WNK3: variants seen among roughly 807,000 people sequenced by gnomAD.
WNK3 encodes the protein WNK lysine deficient protein kinase 3, also known as serine/threonine-protein kinase WNK3.
In WNK3, 18 loss-of-function variants were observed where a neutral mutation model predicts 116.7. That is an observed-to-expected ratio of 0.15 (90% confidence interval 0.11 to 0.23). The LOEUF (loss-of-function observed/expected upper bound fraction) is 0.23. Ranked by LOEUF, WNK3 falls within the 10% of genes least tolerant of loss-of-function variation. WNK3 has a pLI of 1.00. For synonymous variants in WNK3, 404 were observed against 469.4 expected (o/e 0.86, Z 1.80); for missense variants, 993 against 1,323.8 (o/e 0.75, Z 3.88).
intron 2 of WNK3, among the ~76,000 whole-genome samples, chrX:54,315,484 T>C (rs1285665856): frequency 9.0e-6 from 1 of 111,199 alleles, no homozygotes; most frequent in Non-Finnish European, 1.9e-5. Flanking sequence ...TCTTTTCAAC[T>C]ATTACATAGT....
chrX:54,339,088 AAT>A (rs1351006385), intron 1 of WNK3, among the ~76,000 whole-genome samples: 1 of 110,738 alleles, frequency 9.0e-6, no homozygotes, highest in African/African-American at 3.3e-5. Flanking sequence ...CTAAGACAAA[AAT>A]ATGTTACTAG....
intron 2 of WNK3, among the ~76,000 whole-genome samples, chrX:54,330,926 T>C (rs1381705692): frequency 9.0e-6 from 1 of 111,101 alleles, no homozygotes; most frequent in African/African-American, 3.3e-5. Flanking sequence ...AGTGGGAGAA[T>C]TGCTTCAGCC....
intron 15 of WNK3, among the ~76,000 whole-genome samples, chrX:54,251,091 A>G (rs1160188567): frequency 8.0e-5 from 9 of 111,971 alleles, no homozygotes; most frequent in African/African-American, 2.9e-4. Flanking sequence ...CTCAAATCAG[A>G]AAAAAATAAC....
chrX:54,309,204 C>T (rs2068858814), exon 4 of WNK3: 1 of 1,208,782 alleles, frequency 8.3e-7, no homozygotes, highest in African/African-American at 1.8e-5. Context: ...ACTTCAGATC[C>T]CGGTGAATAA....
At chrX:54,353,722 G>A (rs1557178892) in intron 1 of WNK3, among the ~76,000 whole-genome samples, 1 of 108,169 alleles carries the variant, frequency 9.2e-6, no homozygotes, top group Non-Finnish European at 1.9e-5. Flanking sequence ...ACTCCAGCCT[G>A]GGTGACAGAG....
chrX:54,301,271 A>T (rs1160757075), intron 6 of WNK3, among the ~76,000 whole-genome samples: 1 of 109,465 alleles, frequency 9.1e-6, no homozygotes, highest in Non-Finnish European at 1.9e-5. Context: ...AATTAAAAAT[A>T]AAATAAGAAA....
At chrX:54,284,957 C>T (rs1425016466) in intron 10 of WNK3, among the ~76,000 whole-genome samples, 2 of 108,410 alleles carry the variant, frequency 1.8e-5, no homozygotes, top group Non-Finnish European at 3.8e-5. Flanking sequence ...GCAACAAGAA[C>T]GAACTCCGTC....
rs1407312614 is a variant in WNK3 at position 54,209,906 on chromosome X, T to C, written c.4871-7713A>G. On this transcript the variant is annotated intron_variant, in intron 22 of 23. Coordinates refer to ENST00000354646, the Ensembl canonical transcript of WNK3. ...TAAAATTGTTTTGGGAGATTTTGTA[T>C]ATTATTTCCTTTCTTGGACATTCTC... is the stretch of plus-strand genomic sequence containing the variant. 2.7e-5 allele frequency among the ~76,000 whole-genome samples: 3 copies of C among 111,534 alleles called. 1 individual carries two copies. In the Admixed American group the frequency reaches 2.9e-4, roughly 11 times the overall value.
exon 20 of WNK3, chrX:54,237,527 A>G (rs782119691): frequency 8.6e-7 from 1 of 1,168,226 alleles, no homozygotes; most frequent in Admixed American, 2.7e-5. Flanking sequence ...ATTTTTGCTG[A>G]CTGCTGCTGA....
chrX:54,194,172 G>C (rs782307978), exon 24 of WNK3: 1 of 111,925 alleles, frequency 8.9e-6, no homozygotes, highest in Non-Finnish European at 1.9e-5. Context: ...AAAAAGGAAT[G>C]CATCATTTTC....
chrX:54,274,686 G>A (rs781887258), intron 10 of WNK3, among the ~76,000 whole-genome samples: 8 of 111,748 alleles, frequency 7.2e-5, no homozygotes, highest in Non-Finnish European at 1.1e-4. Context: ...GGATAGGTCT[G>A]GAACATCTTC....
intron 22 of WNK3, among the ~76,000 whole-genome samples, chrX:54,209,473 T>C (rs782433441): frequency 9.4e-6 from 1 of 106,714 alleles, no homozygotes; most frequent in Non-Finnish European, 1.9e-5. Context: ...AGCAATACCA[T>C]GTATCAACTC....
At chrX:54,237,313 T>C in exon 20 of WNK3, 2 of 1,212,074 alleles carry the variant, frequency 1.7e-6, no homozygotes, top group Non-Finnish European at 2.2e-6. Flanking sequence ...AGATAAGAAG[T>C]TGTCACCTTG....
chrX:54,350,558 A>C (rs1286350839), intron 1 of WNK3, among the ~76,000 whole-genome samples: 1 of 112,087 alleles, frequency 8.9e-6, no homozygotes, highest in East Asian at 2.8e-4. Flanking sequence ...AATATCTGTT[A>C]AGTTTGAGAA....
rs782672834 is a variant in WNK3 at position 54,275,415 on chromosome X, A to ATGTGTGTGTGTGTG, written c.2038-16091_2038-16078dup. Among the ~76,000 whole-genome samples the ATGTGTGTGTGTGTG allele has an allele frequency of 3.6e-3, 230 of 64,408 alleles. 6 individuals are homozygous for ATGTGTGTGTGTGTG. The highest frequency in any genetic ancestry group is 8.1e-3 in the East Asian group (13 of 1,597). 55.9% of individuals were successfully genotyped at this position (64,408 alleles called of 115,157 possible). On this transcript the variant is annotated intron_variant, in intron 10 of 23. Coordinates refer to ENST00000354646, the Ensembl canonical transcript of WNK3. The stretch of plus-strand genomic sequence containing the variant: ...CGGTATCTGTAGGGTATAAGTTCAT[A>ATGTGTGTGTGTGTG]TGTGTGTGTGTGTGTGTGTGTGTGT...
chrX:54,246,351 A>G (rs782680859), intron 17 of WNK3, among the ~76,000 whole-genome samples: 5 of 111,106 alleles, frequency 4.5e-5, no homozygotes, highest in Non-Finnish European at 9.4e-5. Flanking sequence ...TCTGAAATTT[A>G]AAAAGAAAAA....
At chrX:54,286,507 A>T (rs1487833000) in intron 10 of WNK3, among the ~76,000 whole-genome samples, 2 of 111,608 alleles carry the variant, frequency 1.8e-5, no homozygotes, top group African/African-American at 6.5e-5. Context: ...TTATCTAAGG[A>T]CCTCAAAGTA....
intron 1 of WNK3, among the ~76,000 whole-genome samples, chrX:54,346,383 T>C (rs1351260651): frequency 9.5e-6 from 1 of 105,440 alleles, no homozygotes; most frequent in African/African-American, 3.5e-5. Flanking sequence ...GGCTGGCAGA[T>C]TGCTTGAGCT....
intron 7 of WNK3, among the ~76,000 whole-genome samples, chrX:54,295,518 C>T (rs1236107975): frequency 8.9e-6 from 1 of 111,829 alleles, no homozygotes; most frequent in Admixed American, 9.6e-5. Context: ...CAGTACTAGG[C>T]ACCAGATACA....
Sources: gnomAD v4.1 joint callset for allele counts (sites outside exome capture counted in the v4.1 genomes callset) on GRCh38, gnomAD v4.1.1 for gene constraint, MANE v1.5 for transcripts, NCBI Gene and HGNC (gene_info 2026-07-23, HGNC 2026-07-21) for gene names.